CAB39: variants seen among roughly 807,000 people sequenced by gnomAD.
CAB39 encodes calcium binding protein 39.
CAB39 carries 8 observed loss-of-function variants against 40.0 expected under a neutral mutation model. That is an observed-to-expected ratio of 0.20 (90% CI 0.12 to 0.36). CAB39 has a LOEUF of 0.36. CAB39 is among the 10% of genes least tolerant of loss of function. CAB39 has a pLI of 1.00. For synonymous variants in CAB39, 156 were observed against 141.6 expected, an observed-to-expected ratio of 1.10 and a Z score of -0.72; for missense variants, 270 against 401.1, an observed-to-expected ratio of 0.67 and a Z score of 2.79.
chr2:230,729,717 G>A (rs1296997205), intron 1 of CAB39, among the ~76,000 whole-genome samples: 2 of 150,356 alleles, frequency 1.3e-5, no homozygotes, highest in South Asian at 2.1e-4. Context: ...CTCCAGCTTG[G>A]ACAACAAGAA....
intron 2 of CAB39, among the ~76,000 whole-genome samples, chr2:230,779,615 A>G (rs1218524061): frequency 6.6e-6 from 1 of 152,228 alleles, no homozygotes; most frequent in Non-Finnish European, 1.5e-5. Flanking sequence ...TTGGAACACC[A>G]TGTTCAACTG....
chr2:230,804,346 A>G (rs915141423), intron 5 of CAB39, among the ~76,000 whole-genome samples: 2 of 152,244 alleles, frequency 1.3e-5, no homozygotes, highest in Non-Finnish European at 2.9e-5. Flanking sequence ...ATGGGCAAGG[A>G]CTTCATGACT....
chr2:230,759,192 G>A (rs1378803121), intron 1 of CAB39, among the ~76,000 whole-genome samples: 1 of 152,128 alleles, frequency 6.6e-6, no homozygotes, highest in Non-Finnish European at 1.5e-5. Flanking sequence ...AGGATCTAAT[G>A]GGAGATTTTA....
Position 230,759,942 on chromosome 2 carries a change from C to G in CAB39, c.-43-17C>G. The G allele has an allele frequency of 1.2e-6, 1 of 857,508 alleles. No individual in the cohort carries two copies. The allele number at this position is 857,508 out of a possible 1,614,324, so 53.1% of individuals were successfully genotyped here. ...GATCCCAGTGTTTGCTCACATGAAC[C>G]TTGTGCTGTGTTCTAGGTAGCACAG... is the stretch of plus-strand genomic sequence containing the variant. On this transcript the variant is annotated splice_polypyrimidine_tract_variant and intron_variant, in intron 1 of 8. Transcript: ENST00000258418.
At chr2:230,744,521 T>G (rs1326388023) in intron 1 of CAB39, among the ~76,000 whole-genome samples, 1 of 149,568 alleles carries the variant, frequency 6.7e-6, no homozygotes, top group Non-Finnish European at 1.5e-5. Flanking sequence ...CTTGATCTCT[T>G]GACCTCGTGA....
intron 4 of CAB39, among the ~76,000 whole-genome samples, chr2:230,796,314 C>T (rs1314043597): frequency 6.6e-6 from 1 of 151,942 alleles, no homozygotes; most frequent in Admixed American, 6.6e-5. Flanking sequence ...CATTTGAAGT[C>T]GTATTGCTAG....
intron 5 of CAB39, among the ~76,000 whole-genome samples, chr2:230,804,820 A>G (rs1248346825): frequency 6.6e-6 from 1 of 152,216 alleles, no homozygotes; most frequent in African/African-American, 2.4e-5. Context: ...TAGTTCAACC[A>G]TTGTGGAAGA....
chr2:230,785,980 C>T (rs892392763), intron 2 of CAB39, among the ~76,000 whole-genome samples: 3 of 151,298 alleles, frequency 2.0e-5, no homozygotes, highest in Admixed American at 6.6e-5. Flanking sequence ...CTGGCTAACA[C>T]GGTGAAACCC....
chr2:230,764,258 C>G (rs1695344750), intron 2 of CAB39, among the ~76,000 whole-genome samples: 1 of 152,120 alleles, frequency 6.6e-6, no homozygotes, highest in African/African-American at 2.4e-5. Flanking sequence ...CTGTTTTTCA[C>G]TTTTGTAACA....
chr2:230,792,052 A>G (rs1478359478), intron 3 of CAB39, among the ~76,000 whole-genome samples: 1 of 152,200 alleles, frequency 6.6e-6, no homozygotes, highest in African/African-American at 2.4e-5. Flanking sequence ...AAATTTTGGA[A>G]AAGGATGAGA....
intron 1 of CAB39, among the ~76,000 whole-genome samples, chr2:230,717,042 A>G (rs1182090752): frequency 1.3e-5 from 2 of 151,946 alleles, no homozygotes; most frequent in Admixed American, 1.3e-4. Context: ...ATAAAAATTC[A>G]TTTTCCTCTT....
At chr2:230,759,416 G>T (rs1695250595) in intron 1 of CAB39, among the ~76,000 whole-genome samples, 1 of 152,174 alleles carries the variant, frequency 6.6e-6, no homozygotes, top group Admixed American at 6.5e-5. Context: ...TTTTGCCTCA[G>T]TTGCCTCAGC....
At chr2:230,812,315 C>T (rs1212939463) in intron 6 of CAB39, among the ~76,000 whole-genome samples, 3 of 152,156 alleles carry the variant, frequency 2.0e-5, no homozygotes, top group Non-Finnish European at 4.4e-5. Context: ...AACTCCGATG[C>T]AGTTCCCTGA....
intron 1 of CAB39, among the ~76,000 whole-genome samples, chr2:230,722,748 A>T (rs986378619): frequency 1.3e-5 from 2 of 152,232 alleles, no homozygotes; most frequent in Non-Finnish European, 2.9e-5. Context: ...TTTCTGCTGT[A>T]CTATACGTAC....
intron 1 of CAB39, among the ~76,000 whole-genome samples, chr2:230,717,777 G>T (rs1300688721): frequency 1.3e-5 from 2 of 152,190 alleles, no homozygotes; most frequent in African/African-American, 2.4e-5. Flanking sequence ...CAGTCCCACT[G>T]TGCTTTTAAC....
intron 5 of CAB39, among the ~76,000 whole-genome samples, chr2:230,800,602 C>G (rs2124968781): frequency 6.6e-6 from 1 of 152,240 alleles, no homozygotes; most frequent in East Asian, 1.9e-4. Flanking sequence ...GTAGCAGCAC[C>G]ATGTGTCAAA....
At chr2:230,722,203 C>CT (rs1694466518) in intron 1 of CAB39, among the ~76,000 whole-genome samples, 1 of 152,130 alleles carries the variant, frequency 6.6e-6, no homozygotes, top group African/African-American at 2.4e-5. Context: ...TATTTTATTT[C>CT]TTAATGCTTT....
In CAB39 at chr2:230,713,141, G is replaced by A. The variant is rs1694279838; in HGVS notation, c.-133G>A. On this transcript the variant is annotated 5_prime_UTR_variant, in exon 1 of 9. Coordinates refer to ENST00000258418, the MANE Select transcript of CAB39 (RefSeq NM_016289.4). ...GGCCGAGCGTCCGAGCCACTCCGCG[G>A]GGACCGAACGAGCAGCCCGAAGCGG... 2 of 152,076 alleles carry A rather than the reference G, an allele frequency of 1.3e-5. No homozygotes were observed. The highest frequency in any genetic ancestry group is 4.8e-5 in the African/African-American group (2 of 41,416). 9.4% of individuals were successfully genotyped at this position (152,076 alleles called of 1,614,324 possible). A position where few individuals can be genotyped will look rare whatever the true frequency, so the allele number is the denominator to read the frequency against.
chr2:230,734,382 CT>C (rs1232891673), intron 1 of CAB39, among the ~76,000 whole-genome samples: 1 of 152,152 alleles, frequency 6.6e-6, no homozygotes, highest in Non-Finnish European at 1.5e-5. Context: ...GATAGACTGA[CT>C]TCCTGTTCAG....
Sources: gnomAD v4.1 joint callset for allele counts (sites outside exome capture counted in the v4.1 genomes callset) on GRCh38, gnomAD v4.1.1 for gene constraint, MANE v1.5 for transcripts, NCBI Gene and HGNC (gene_info 2026-07-23, HGNC 2026-07-21) for gene names.